CD247: variants seen among roughly 807,000 people sequenced by gnomAD.
CD247 encodes T-cell surface glycoprotein CD3 zeta chain.
CD247 carries 13 observed loss-of-function variants against 30.0 expected under a neutral mutation model. The observed-to-expected ratio is 0.43, with a 90% CI of 0.28 to 0.69. CD247 has a LOEUF of 0.69. Ranked by LOEUF, CD247 falls within the 30% of genes least tolerant of loss-of-function variation. The pLI is 0.16. For synonymous variants in CD247, 72 were observed against 80.0 expected (o/e 0.90, Z 0.53); for missense variants, 193 against 212.6 (o/e 0.91, Z 0.57).
intron 1 of CD247, among the ~76,000 whole-genome samples, chr1:167,476,127 G>T (rs1031520603): frequency 5.9e-5 from 9 of 152,026 alleles, no homozygotes; most frequent in African/African-American, 2.2e-4. Context: ...ATAGTCCTGG[G>T]GTCCCCCTTC....
chr1:167,444,543 C>T (rs1345231965), intron 1 of CD247, among the ~76,000 whole-genome samples: 2 of 152,114 alleles, frequency 1.3e-5, no homozygotes, highest in Non-Finnish European at 2.9e-5. Context: ...GAAAGGAGCC[C>T]CAGAGACTAA....
chr1:167,442,551 C>T (rs192076947), intron 1 of CD247, among the ~76,000 whole-genome samples: 4 of 152,268 alleles, frequency 2.6e-5, no homozygotes, highest in Admixed American at 2.0e-4. Flanking sequence ...ACTGAGGCAC[C>T]GAGTATTCGG....
At chr1:167,440,425 C>T (rs574685633) in intron 2 of CD247, 60 of 578,946 alleles carry the variant, frequency 1.0e-4, no homozygotes, top group East Asian at 8.4e-4. Context: ...CACATTTGTA[C>T]GGCTTGTCAT....
chr1:167,462,531 A>G (rs1653067184), intron 1 of CD247, among the ~76,000 whole-genome samples: 1 of 152,252 alleles, frequency 6.6e-6, no homozygotes, highest in Non-Finnish European at 1.5e-5. Flanking sequence ...AAGTGTATCT[A>G]CATACACGAG....
intron 2 of CD247, 107 bp from the exon 3 acceptor site, chr1:167,439,507 G>T (rs778747102): frequency 4.2e-6 from 4 of 962,972 alleles, no homozygotes; most frequent in East Asian, 2.5e-5. Context: ...CCGCTCCTTG[G>T]CAACTAACAA....
chr1:167,461,101 G>A (rs954064760), intron 1 of CD247, among the ~76,000 whole-genome samples: 4 of 152,230 alleles, frequency 2.6e-5, no homozygotes, highest in African/African-American at 7.2e-5. Flanking sequence ...TGCTGGGGAC[G>A]TGGGCGATCG....
chr1:167,518,255 G>A (rs968715185), intron 1 of CD247, among the ~76,000 whole-genome samples, 153 bp downstream of exon 1: 5 of 152,090 alleles, frequency 3.3e-5, no homozygotes, highest in Non-Finnish European at 5.9e-5. Flanking sequence ...GCACCGGGCC[G>A]GACCCCTCAC....
At chr1:167,496,103 T>C (rs1283777717) in intron 1 of CD247, among the ~76,000 whole-genome samples, 2 of 152,226 alleles carry the variant, frequency 1.3e-5, no homozygotes, top group East Asian at 1.9e-4. Flanking sequence ...TCCTGCTACA[T>C]AGTAAATAAT....
intron 1 of CD247, among the ~76,000 whole-genome samples, chr1:167,461,266 A>T (rs1652995334): frequency 6.6e-6 from 1 of 152,224 alleles, no homozygotes; most frequent in Non-Finnish European, 1.5e-5. Context: ...TTGGGTCCTC[A>T]GGACCTCTCA....
chr1:167,440,513 C>T lies in CD247; in HGVS notation c.162+151G>A, dbSNP rs1571515277. 2.9e-5 allele frequency: 20 copies of T among 684,808 alleles called. No individual in the cohort carries two copies. In the East Asian group the frequency reaches 5.4e-4, roughly 18 times the overall value. 42.4% of individuals were successfully genotyped at this position (684,808 alleles called of 1,614,324 possible). A position where few individuals can be genotyped will look rare whatever the true frequency, so the allele number is the denominator to read the frequency against. On this transcript the variant is annotated intron_variant, in intron 2 of 7. Coordinates refer to ENST00000362089, the MANE Select transcript of CD247 (RefSeq NM_198053.3). ...ACTGCCACCTCCTCCTCAGCCCACT[C>T]AAGGCACACACTTGGCTGGTCCTTG...
intron 1 of CD247, among the ~76,000 whole-genome samples, chr1:167,501,124 G>A (rs370441242): frequency 1.3e-5 from 2 of 148,524 alleles, no homozygotes; most frequent in Non-Finnish European, 3.0e-5. Context: ...GCGCGATCTC[G>A]GCTCACCACA....
chr1:167,477,053 T>A (rs979629816), intron 1 of CD247, among the ~76,000 whole-genome samples: 5 of 152,244 alleles, frequency 3.3e-5, no homozygotes, highest in Admixed American at 3.3e-4. Context: ...ATTTGAGGGA[T>A]AGCTGAAAGC....
chr1:167,500,921 T>A (rs957276676), intron 1 of CD247, among the ~76,000 whole-genome samples: 9 of 152,062 alleles, frequency 5.9e-5, no homozygotes, highest in African/African-American at 2.2e-4. Context: ...GTCAGCCTGG[T>A]GCTATGGGAT....
chr1:167,461,944 C>G (rs1653037140), intron 1 of CD247, among the ~76,000 whole-genome samples: 1 of 152,198 alleles, frequency 6.6e-6, no homozygotes. Flanking sequence ...CAATGAATAT[C>G]TAAATCACTC....
chr1:167,500,816 C>A (rs1043723513), intron 1 of CD247, among the ~76,000 whole-genome samples: 2 of 152,198 alleles, frequency 1.3e-5, no homozygotes, highest in African/African-American at 4.8e-5. Flanking sequence ...TGAGGATACC[C>A]CCCAAGAAAT....
chr1:167,504,561 G>A (rs1019546676), intron 1 of CD247, among the ~76,000 whole-genome samples: 5 of 152,198 alleles, frequency 3.3e-5, no homozygotes, highest in African/African-American at 4.8e-5. Flanking sequence ...AGCTGGCATA[G>A]CCTAACAGGA....
chr1:167,446,943 G>T (rs561252083), intron 1 of CD247, among the ~76,000 whole-genome samples: 1 of 152,054 alleles, frequency 6.6e-6, no homozygotes, highest in East Asian at 1.9e-4. Context: ...TGCAGTAAGC[G>T]GAGATTACGC....
chr1:167,459,348 C>CTTTTT lies in CD247; in HGVS notation c.59-18586_59-18582dup, dbSNP rs34706916. On this transcript the variant is annotated intron_variant, in intron 1 of 7. Transcript: ENST00000362089. ...TTTCTCTGGCTTTTTCCTTACAACT[C>CTTTTT]TTTTTTTTTTTTTTTTTTTTTTGAG... Among the ~76,000 whole-genome samples the CTTTTT allele has an allele frequency of 1.7e-3, 140 of 80,416 alleles. 1 individual carries two copies. The highest frequency in any genetic ancestry group is 0.014 in the Middle Eastern group (1 of 72). 52.8% of individuals were successfully genotyped at this position (80,416 alleles called of 152,430 possible). A position where few individuals can be genotyped will look rare whatever the true frequency, so the allele number is the denominator to read the frequency against.
intron 1 of CD247, 63 bp downstream of exon 1, chr1:167,518,345 C>T: frequency 8.1e-6 from 12 of 1,489,650 alleles, no homozygotes; most frequent in Non-Finnish European, 1.1e-5. Context: ...TACCCACACC[C>T]ACTCCCCTAC....
Sources: allele counts gnomAD v4.1 joint callset (sites outside exome capture counted in the v4.1 genomes callset), GRCh38; gene constraint gnomAD v4.1.1; transcripts MANE v1.5; gene names NCBI Gene and HGNC (gene_info 2026-07-23, HGNC 2026-07-21).